ZNF546: variants seen among roughly 807,000 people sequenced by gnomAD.
The protein encoded by ZNF546 is zinc finger protein 546, also known as CTC-471F3.6.
In ZNF546, 60 loss-of-function variants were observed where a neutral mutation model predicts 76.2. That is an observed-to-expected ratio of 0.79 (90% CI 0.64 to 0.98). The LOEUF is 0.98. Among genes scored for constraint, ZNF546 ranks in the 50% least tolerant of loss-of-function variants. The pLI is 0.00. For synonymous variants in ZNF546, 277 were observed against 328.1 expected (o/e 0.84, Z 1.68); for missense variants, 936 against 1,035.6 (o/e 0.90, Z 1.32).
In ZNF546 at chr19:40,020,616, T is replaced by C. The variant is rs999465210; in HGVS notation, c.*4835T>C. 6.6e-6 allele frequency: 1 copy of C among 152,184 alleles called. No homozygotes were observed. Among genetic ancestry groups the C allele is most frequent in the Non-Finnish European group, 1.5e-5 (1 of 68,008 alleles). 9.4% of individuals were successfully genotyped at this position (152,184 alleles called of 1,614,324 possible). A position where few individuals can be genotyped will look rare whatever the true frequency, so the allele number is the denominator to read the frequency against. On this transcript the variant is annotated 3_prime_UTR_variant, in exon 7 of 7. Coordinates refer to ENST00000347077, the MANE Select transcript of ZNF546 (RefSeq NM_178544.5). ...CCCTTTTTTAAAAAAGTGCTTATTATCAGGCTATCAATCAAAAGATTTGAG... is the reference window on the plus strand; with the variant it reads ...CCCTTTTTTAAAAAAGTGCTTATTACCAGGCTATCAATCAAAAGATTTGAG...
At position 40,014,367 on chromosome 19, in the gene ZNF546, T is replaced by G; in HGVS notation, c.1097T>G (p.Phe366Cys). The stretch of plus-strand genomic sequence containing the variant: ...GAATGTAAGGTTTGTGGCAAGACCT[T>G]TAGGGTACAACGACATATTAGTCAA... ...PYECKVCGKT[F>C]RVQRHISQHQ... Residue 366 changes from phenylalanine (F) to cysteine (C), a missense_variant, in exon 7 of 7, where the codon TTT (phenylalanine) becomes TGT (cysteine). By Grantham distance (205) the Phe-to-Cys change is radical. Coordinates refer to ENST00000347077, the MANE Select transcript of ZNF546 (RefSeq NM_178544.5). 3 of 1,614,006 alleles carry G rather than the reference T, an allele frequency of 1.9e-6. No individual in the cohort carries two copies. The highest frequency in any genetic ancestry group is 2.5e-6 in the Non-Finnish European group (3 of 1,180,000).
At position 40,019,893 on chromosome 19, in the gene ZNF546, C is replaced by T. The variant is rs1306061171; in HGVS notation, c.*4112C>T. 2 of 152,196 alleles carry T rather than the reference C, an allele frequency of 1.3e-5. No individual in the cohort carries two copies. The highest frequency in any genetic ancestry group is 6.5e-5 in the Admixed American group (1 of 15,270). The allele number at this position is 152,196 out of a possible 1,614,324, so 9.4% of individuals were successfully genotyped here. ...GATCCATGTTCTCAGTTTTTCTTAG[C>T]TTTAAATGGCCAAATTGTGGCTTAG... is the stretch of plus-strand genomic sequence containing the variant. On this transcript the variant is annotated 3_prime_UTR_variant, in exon 7 of 7. Coordinates refer to ENST00000347077, the MANE Select transcript of ZNF546 (RefSeq NM_178544.5).
Position 40,015,795 on chromosome 19 carries a change from G to C in ZNF546, c.*14G>C. 2.5e-6 allele frequency: 4 copies of C among 1,610,698 alleles called. No homozygotes were observed. Among genetic ancestry groups the C allele is most frequent in the Non-Finnish European group, 3.4e-6 (4 of 1,178,024 alleles). On this transcript the variant is annotated 3_prime_UTR_variant, in exon 7 of 7. Transcript: ENST00000347077. The stretch of plus-strand genomic sequence containing the variant: ...TGCATAATGTAAAGAGAATACGATG[G>C]CCTTTAGAAAATGCCCTTTAGCAGA...
Position 40,014,964 on chromosome 19 carries a change from G to T in ZNF546, c.1694G>T (p.Ser565Ile), listed in dbSNP as rs745994900. 2 of 1,613,838 alleles carry T rather than the reference G, an allele frequency of 1.2e-6. No homozygotes were observed. Reference protein sequence around the residue: ...CKECGKAFIHSNQFISHQRIH... With the variant: ...CKECGKAFIHINQFISHQRIH... ...GAATGTGGGAAGGCTTTTATTCATAGCAATCAATTTATTTCACACCAGCGA... is the reference window on the plus strand; with the variant it reads ...GAATGTGGGAAGGCTTTTATTCATATCAATCAATTTATTTCACACCAGCGA... The change falls in exon 7 of 7, where the codon AGC (serine) becomes ATC (isoleucine). Residue 565 changes from serine to isoleucine, a missense_variant. Transcript: ENST00000347077.
chr19:40,015,976 G>A lies in ZNF546; in HGVS notation c.*195G>A. 1 of 596,738 alleles carries A rather than the reference G, an allele frequency of 1.7e-6. No individual in the cohort carries two copies. Among genetic ancestry groups the A allele is most frequent in the Non-Finnish European group, 2.9e-6 (1 of 339,054 alleles). The allele number at this position is 596,738 out of a possible 1,614,324, so 37.0% of individuals were successfully genotyped here. A position where few individuals can be genotyped will look rare whatever the true frequency, so the allele number is the denominator to read the frequency against. On this transcript the variant is annotated 3_prime_UTR_variant, in exon 7 of 7. Transcript: ENST00000347077. ...TGTTAGACTTTAGAAGATTGATACT[G>A]ATGCACTGCATCCCAAACCATCAAG...
At chr19:39,998,193 G>T (rs920298723) in intron 2 of ZNF546, 55 bp from the exon 3 acceptor site, 2 of 650,650 alleles carry the variant, frequency 3.1e-6, no homozygotes, top group African/African-American at 3.7e-5. Flanking sequence ...CAACTCTCTG[G>T]TCTATATCTT....
chr19:40,017,756 C>T lies in ZNF546; in HGVS notation c.*1975C>T, dbSNP rs1265176565. On this transcript the variant is annotated 3_prime_UTR_variant, in exon 7 of 7. Transcript: ENST00000347077. ...AGATTTGACCCCCAGTAACTTCACACCTAAGGAGATTAGCAATAATTCCAT... is the reference window on the plus strand; with the variant it reads ...AGATTTGACCCCCAGTAACTTCACATCTAAGGAGATTAGCAATAATTCCAT... 6.6e-6 allele frequency: 1 copy of T among 152,114 alleles called. No individual in the cohort carries two copies. The highest frequency in any genetic ancestry group is 1.9e-4 in the East Asian group (1 of 5,190). The allele number at this position is 152,114 out of a possible 1,614,324, so 9.4% of individuals were successfully genotyped here. A position where few individuals can be genotyped will look rare whatever the true frequency, so the allele number is the denominator to read the frequency against.
At chr19:39,998,059 C>T (rs576311089) in intron 2 of ZNF546, 144 bp downstream of exon 2, 68 of 473,760 alleles carry the variant, frequency 1.4e-4, no homozygotes, top group South Asian at 1.4e-3. Flanking sequence ...CCTGTCACCT[C>T]ATTGCTCACA....
chr19:40,013,587 C>T, intron 6 of ZNF546, 78 bp from the exon 7 acceptor site: 3 of 1,188,622 alleles, frequency 2.5e-6, no homozygotes, highest in Non-Finnish European at 3.5e-6. Flanking sequence ...GGTACAACCC[C>T]CATCCCTGCC....
rs1173179620 is a variant in ZNF546, at chr19:40,019,297, G to A, written c.*3516G>A. 1 of 152,144 alleles carries A rather than the reference G, an allele frequency of 6.6e-6. No homozygotes were observed. Among genetic ancestry groups the A allele is most frequent in the Non-Finnish European group, 1.5e-5 (1 of 68,022 alleles). The allele number at this position is 152,144 out of a possible 1,614,324, so 9.4% of individuals were successfully genotyped here. A position where few individuals can be genotyped will look rare whatever the true frequency, so the allele number is the denominator to read the frequency against. ...TCCTGCTCACCACTCTACTCCCAGT[G>A]ACTTAATACTGTCTCTTTAACATAG... On this transcript the variant is annotated 3_prime_UTR_variant, in exon 7 of 7. Coordinates refer to ENST00000347077, the MANE Select transcript of ZNF546 (RefSeq NM_178544.5).
At chr19:40,008,207 A>C (rs1971629323) in intron 5 of ZNF546, among the ~76,000 whole-genome samples, 1 of 151,996 alleles carries the variant, frequency 6.6e-6, no homozygotes, top group Non-Finnish European at 1.5e-5. Context: ...GGGTGTGCTC[A>C]CTGGTCCCCT....
At chr19:40,012,816 CTTTT>C (rs879507609) in intron 6 of ZNF546, among the ~76,000 whole-genome samples, 1 of 141,568 alleles carries the variant, frequency 7.1e-6, no homozygotes. Context: ...TTTTACCATT[CTTTT>C]TTTTTTTTTT....
intron 3 of ZNF546, among the ~76,000 whole-genome samples, chr19:40,004,127 A>AAT (rs201726541): frequency 0.015 from 2,202 of 144,206 alleles, 40 homozygotes; most frequent in South Asian, 0.051. Context: ...TAACTATATT[A>AAT]ATATATATAT....
At chr19:40,001,379 T>C (rs1971527357) in intron 3 of ZNF546, among the ~76,000 whole-genome samples, 1 of 150,356 alleles carries the variant, frequency 6.7e-6, no homozygotes, top group South Asian at 2.1e-4. Flanking sequence ...TTTTTTTTTT[T>C]TTAAATGAAG....
At chr19:40,005,967 C>T (rs1275494875) in intron 3 of ZNF546, 129 bp from the exon 4 acceptor site, 2 of 798,134 alleles carry the variant, frequency 2.5e-6, no homozygotes, top group East Asian at 2.7e-5. Flanking sequence ...AGATATCTTC[C>T]CCAGTTTATA....
chr19:40,002,851 C>T (rs1269947523), intron 3 of ZNF546, among the ~76,000 whole-genome samples: 1 of 151,870 alleles, frequency 6.6e-6, no homozygotes, highest in Admixed American at 6.6e-5. Flanking sequence ...AGGCATCAGC[C>T]ACCATGCCCA....
At position 40,014,026 on chromosome 19, in the gene ZNF546, G is replaced by C. The variant is rs749801684; in HGVS notation, c.756G>C (p.Lys252Asn). The change falls in exon 7 of 7, where the codon AAG (lysine) becomes AAC (asparagine). Residue 252 changes from lysine to asparagine, a missense_variant. Physicochemically the swap from Lys to Asn is moderately conservative, Grantham distance 94 (BLOSUM62 0). Transcript: ENST00000347077. Reference protein sequence around the residue: ...ERPYKCMECGKAFCRVGDLRV... With the variant: ...ERPYKCMECGNAFCRVGDLRV... ...CCTATAAATGTATGGAATGTGGAAA[G>C]GCCTTTTGTCGAGTGGGAGACCTTA... is the stretch of plus-strand genomic sequence containing the variant. 1 of 1,611,990 alleles carries C rather than the reference G, an allele frequency of 6.2e-7. No individual in the cohort carries two copies. The highest frequency in any genetic ancestry group is 1.1e-5 in the South Asian group (1 of 90,946).
Position 40,014,807 on chromosome 19 carries a change from A to T in ZNF546, c.1537A>T (p.Thr513Ser). ...GKTFSSRYHL[T>S]QHYRIHTGEK... is the part of the protein sequence containing the mutation. Reference sequence around the variant, plus strand: ...AACCTTCAGTAGTCGCTATCATCTCACTCAACACTACAGAATTCATACTGG... The same window carrying T: ...AACCTTCAGTAGTCGCTATCATCTCTCTCAACACTACAGAATTCATACTGG... The change falls in exon 7 of 7, where the codon ACT becomes TCT. Residue 513 changes from threonine to serine, a missense_variant. Transcript: ENST00000347077. 2 of 1,612,432 alleles carry T rather than the reference A, an allele frequency of 1.2e-6. No homozygotes were observed. Among genetic ancestry groups the T allele is most frequent in the Non-Finnish European group, 1.7e-6 (2 of 1,179,688 alleles).
chr19:40,004,700 C>T (rs938775896), intron 3 of ZNF546, among the ~76,000 whole-genome samples: 42 of 152,106 alleles, frequency 2.8e-4, no homozygotes, highest in East Asian at 3.9e-4. Flanking sequence ...GCCTGTCCTT[C>T]GTTCTTTCTT....
Sources: allele counts gnomAD v4.1 joint callset (sites outside exome capture counted in the v4.1 genomes callset), GRCh38; gene constraint gnomAD v4.1.1; transcripts MANE v1.5; gene names NCBI Gene and HGNC (gene_info 2026-07-23, HGNC 2026-07-21).